Variants in SH3BGRL2 observed in about 807,000 individuals in gnomAD.
SH3BGRL2 encodes the protein SH3 domain binding glutamate rich protein like 2.
Under a neutral mutation model 14.8 loss-of-function variants are expected in SH3BGRL2, and 21 were observed. The observed-to-expected ratio is 1.42, with a 90% CI of 1.01 to 2.05. The LOEUF is 2.05. Among genes scored for constraint, SH3BGRL2 ranks in the 30% most tolerant of loss-of-function variants. The probability of loss-of-function intolerance (pLI) is 0.00; values close to 1 mark genes in which losing one functional copy is unlikely to be tolerated. For synonymous variants in SH3BGRL2, 50 were observed against 47.8 expected, an observed-to-expected ratio of 1.05 and a Z score of -0.19; for missense variants, 147 against 130.8, an observed-to-expected ratio of 1.12 and a Z score of -0.61.
At chr6:79,660,380 G>T (rs1224946318) in intron 1 of SH3BGRL2, among the ~76,000 whole-genome samples, 1 of 152,050 alleles carries the variant, frequency 6.6e-6, no homozygotes, top group Non-Finnish European at 1.5e-5. Flanking sequence ...ATGCCTTTTT[G>T]CATCTATTGA....
chr6:79,665,296 C>T (rs978452792), intron 1 of SH3BGRL2, among the ~76,000 whole-genome samples: 11 of 152,166 alleles, frequency 7.2e-5, no homozygotes, highest in Non-Finnish European at 1.3e-4. Flanking sequence ...AATACATTAG[C>T]ATAAGTACTC....
the SH3BGRL2 span, among the ~76,000 whole-genome samples, chr6:79,582,493 C>G: frequency 1.3e-5 from 2 of 152,124 alleles, no homozygotes; most frequent in African/African-American, 4.8e-5. Flanking sequence ...ACATCTACAA[C>G]CATCTAATCT....
chr6:79,567,731 A>T, the SH3BGRL2 span, among the ~76,000 whole-genome samples: 2 of 152,248 alleles, frequency 1.3e-5, no homozygotes, highest in Non-Finnish European at 2.9e-5. Flanking sequence ...TCTGCAAAGT[A>T]AAAGAGATAA....
chr6:79,576,312 C>G, the SH3BGRL2 span, among the ~76,000 whole-genome samples: 1 of 152,082 alleles, frequency 6.6e-6, no homozygotes, highest in South Asian at 2.1e-4. Context: ...TTCCTTCTTC[C>G]TGTAGTTTCC....
intron 1 of SH3BGRL2, among the ~76,000 whole-genome samples, chr6:79,671,065 G>C (rs913153069): frequency 1.3e-5 from 2 of 152,132 alleles, no homozygotes; most frequent in East Asian, 3.9e-4. Flanking sequence ...TTTAGAAAGA[G>C]AGGGAGATTG....
At chr6:79,686,096 T>G (rs1338114169) in intron 2 of SH3BGRL2, among the ~76,000 whole-genome samples, 1 of 152,216 alleles carries the variant, frequency 6.6e-6, no homozygotes, top group Non-Finnish European at 1.5e-5. Context: ...TTCCATATTC[T>G]TTGTATTGAT....
intron 2 of SH3BGRL2, among the ~76,000 whole-genome samples, chr6:79,675,816 C>G (rs1377995785): frequency 7.4e-6 from 1 of 134,722 alleles, no homozygotes; most frequent in African/African-American, 2.5e-5. Context: ...TTGAAGTTTT[C>G]TTCTGTTAGT....
At chr6:79,617,743 G>A in the SH3BGRL2 span, among the ~76,000 whole-genome samples, 2 of 152,180 alleles carry the variant, frequency 1.3e-5, no homozygotes, top group African/African-American at 4.8e-5. Context: ...TAAACTGGAA[G>A]TTCAATCTAG....
intron 3 of SH3BGRL2, 55 bp from the exon 4 acceptor site, chr6:79,699,440 TGTC>T: frequency 2.0e-6 from 3 of 1,520,026 alleles, no homozygotes; most frequent in Non-Finnish European, 2.6e-6. Context: ...TGAATTTTCT[TGTC>T]GATGTAATGC....
chr6:79,655,413 T>G (rs868363194), intron 1 of SH3BGRL2, among the ~76,000 whole-genome samples: 19 of 46,834 alleles, frequency 4.1e-4, no homozygotes, highest in Middle Eastern at 0.026. Flanking sequence ...CAAATTCAGT[T>G]TTTTTTTTTA....
chr6:79,684,318 AC>A (rs1770050934), intron 2 of SH3BGRL2, among the ~76,000 whole-genome samples: 2 of 152,010 alleles, frequency 1.3e-5, no homozygotes, highest in African/African-American at 4.8e-5. Context: ...TCTGGTTATT[AC>A]TTCTTCTCCC....
At chr6:79,584,440 G>A in the SH3BGRL2 span, among the ~76,000 whole-genome samples, 1,285 of 152,224 alleles carry the variant, frequency 8.4e-3, 12 homozygotes, top group South Asian at 0.015. Flanking sequence ...CCACTGCCAC[G>A]TGAATGCAAC....
At chr6:79,598,115 A>G in the SH3BGRL2 span, among the ~76,000 whole-genome samples, 1 of 152,226 alleles carries the variant, frequency 6.6e-6, no homozygotes, top group Non-Finnish European at 1.5e-5. Context: ...AGATATGGAG[A>G]AAGTGAAGCC....
At chr6:79,611,144 AG>A in the SH3BGRL2 span, among the ~76,000 whole-genome samples, 5 of 152,174 alleles carry the variant, frequency 3.3e-5, no homozygotes, top group Non-Finnish European at 7.3e-5. Flanking sequence ...TGTGGGACCC[AG>A]TATACTCTGA....
the SH3BGRL2 span, among the ~76,000 whole-genome samples, chr6:79,621,629 T>C: frequency 6.7e-3 from 1,028 of 152,368 alleles, 16 homozygotes; most frequent in African/African-American, 0.023. Context: ...AAGCAAATGA[T>C]TGTGGCAGTC....
At chr6:79,652,727 G>T (rs1430819717) in intron 1 of SH3BGRL2, among the ~76,000 whole-genome samples, 2 of 151,916 alleles carry the variant, frequency 1.3e-5, no homozygotes, top group Non-Finnish European at 2.9e-5. Context: ...GATATTTTGG[G>T]TTGGGGGTGA....
intron 1 of SH3BGRL2, among the ~76,000 whole-genome samples, chr6:79,657,577 T>C (rs1285071336): frequency 6.6e-6 from 1 of 152,168 alleles, no homozygotes; most frequent in African/African-American, 2.4e-5. Flanking sequence ...AATAAAGTTA[T>C]TAAATTTGAG....
At chr6:79,600,798 G>A in the SH3BGRL2 span, among the ~76,000 whole-genome samples, 3 of 152,226 alleles carry the variant, frequency 2.0e-5, no homozygotes, top group African/African-American at 4.8e-5. Context: ...CATCTGAAGT[G>A]GGTTCCCAGC....
At chr6:79,555,445 A>G in the SH3BGRL2 span, among the ~76,000 whole-genome samples, 1 of 152,122 alleles carries the variant, frequency 6.6e-6, no homozygotes, top group Non-Finnish European at 1.5e-5. Context: ...GCAAGACTCC[A>G]TCTCAAAAAG....
Sources: allele counts gnomAD v4.1 joint callset (sites outside exome capture counted in the v4.1 genomes callset), GRCh38; gene constraint gnomAD v4.1.1; transcripts MANE v1.5; gene names NCBI Gene and HGNC (gene_info 2026-07-23, HGNC 2026-07-21).